Variants in ADAM18 observed in about 807,000 individuals in gnomAD.
The protein encoded by ADAM18 is disintegrin and metalloproteinase domain-containing protein 18.
ADAM18 carries 117 observed loss-of-function variants against 94.4 expected under a neutral mutation model. The ratio of observed to expected loss-of-function variants is 1.24; its 90% CI spans 1.07 to 1.45. The LOEUF (loss-of-function observed/expected upper bound fraction) is 1.45. Among genes scored for constraint, ADAM18 ranks in the 40% most tolerant of loss-of-function variants. ADAM18 has a pLI of 0.00. For synonymous variants in ADAM18, 327 were observed against 291.6 expected, an observed-to-expected ratio of 1.12 and a Z score of -1.24; for missense variants, 936 against 880.0, an observed-to-expected ratio of 1.06 and a Z score of -0.81.
At chr8:39,606,275 T>C in intron 2 of ADAM18, 32 bp from the exon 3 acceptor site, 1 of 1,299,746 alleles carries the variant, frequency 7.7e-7, no homozygotes. Context: ...TCTGGTTTCC[T>C]TCACAATCTT....
intron 6 of ADAM18, among the ~76,000 whole-genome samples, chr8:39,622,096 GA>G (rs1819631897): frequency 6.6e-6 from 1 of 151,856 alleles, no homozygotes; most frequent in Non-Finnish European, 1.5e-5. Context: ...AAAAGTAGGA[GA>G]TTTTTAAAAA....
rs945613054 is a variant in ADAM18 at position 39,629,129 on chromosome 8, GT to G, written c.523-235del. ...GCATAAGGTGTATTTTTATGTTTAT[GT>G]TTTTTTTTTCTCATTCAGCATTAAC... On this transcript the variant is annotated intron_variant, in intron 6 of 19. Transcript: ENST00000265707. Among the ~76,000 whole-genome samples the G allele has an allele frequency of 1.3e-3, 186 of 148,718 alleles. 1 individual carries two copies. Among genetic ancestry groups the G allele is most frequent in the African/African-American group, 4.1e-3 (168 of 40,762 alleles).
intron 7 of ADAM18, among the ~76,000 whole-genome samples, chr8:39,634,622 C>T: frequency 6.6e-6 from 1 of 152,138 alleles, no homozygotes; most frequent in Non-Finnish European, 1.5e-5. Flanking sequence ...GGCTTGGGAC[C>T]TGCTATTCCC....
intron 2 of ADAM18, among the ~76,000 whole-genome samples, chr8:39,596,602 A>T (rs1279753541): frequency 6.6e-6 from 1 of 152,198 alleles, no homozygotes. Context: ...TGCTTCTAAG[A>T]TTTGGCAGCT....
At chr8:39,594,654 T>C (rs1818682708) in intron 2 of ADAM18, among the ~76,000 whole-genome samples, 2 of 151,960 alleles carry the variant, frequency 1.3e-5, no homozygotes, top group Admixed American at 6.6e-5. Flanking sequence ...CCTTTGATCT[T>C]CATGTCTTCT....
intron 14 of ADAM18, among the ~76,000 whole-genome samples, chr8:39,668,889 C>T (rs1421685125): frequency 6.6e-6 from 1 of 151,784 alleles, no homozygotes; most frequent in African/African-American, 2.4e-5. Flanking sequence ...ATAATTTGTA[C>T]CAAATTACAT....
intron 2 of ADAM18, among the ~76,000 whole-genome samples, chr8:39,599,577 A>G (rs974417534): frequency 2.6e-5 from 4 of 152,112 alleles, no homozygotes; most frequent in Admixed American, 6.5e-5. Flanking sequence ...ACACACACAC[A>G]TTTATTTATG....
At chr8:39,604,144 C>G (rs1483207878) in intron 2 of ADAM18, among the ~76,000 whole-genome samples, 1 of 152,184 alleles carries the variant, frequency 6.6e-6, no homozygotes, top group Non-Finnish European at 1.5e-5. Context: ...CTGCCAGGCT[C>G]TTACACTCAT....
chr8:39,680,022 G>T lies in ADAM18; in HGVS notation c.1632-15G>T. 1 of 1,609,756 alleles carries T rather than the reference G, an allele frequency of 6.2e-7. No individual in the cohort carries two copies. Among genetic ancestry groups the T allele is most frequent in the Non-Finnish European group, 8.5e-7 (1 of 1,178,794 alleles). ...GAGATAAACTGATAAGGAACTTTTT[G>T]CTTTCCACTTCCAGGGATGTTCTCT... On this transcript the variant is annotated splice_polypyrimidine_tract_variant and intron_variant, in intron 15 of 19. Transcript: ENST00000265707.
At chr8:39,670,518 A>G (rs1821124837) in intron 14 of ADAM18, among the ~76,000 whole-genome samples, 2 of 152,186 alleles carry the variant, frequency 1.3e-5, no homozygotes, top group African/African-American at 4.8e-5. Flanking sequence ...GTAAATTTAA[A>G]CTTTTAAAGA....
At position 39,689,942 on chromosome 8, in the gene ADAM18, C is replaced by T. The variant is rs147673209; in HGVS notation, c.1822-2658C>T. 2.6e-5 allele frequency among the ~76,000 whole-genome samples: 4 copies of T among 152,134 alleles called. No individual in the cohort carries two copies. In the South Asian group the frequency reaches 8.3e-4, roughly 32 times the overall value. ...CTAGTTCGCTGTATTCCTAGGTATT[C>T]TGTGTGTGTGTGCGGCAGCTGTGAA... On this transcript the variant is annotated intron_variant, in intron 16 of 19. Coordinates refer to ENST00000265707, the MANE Select transcript of ADAM18 (RefSeq NM_014237.3).
At chr8:39,611,678 G>A in intron 6 of ADAM18, 1 of 815,660 alleles carries the variant, frequency 1.2e-6, no homozygotes. Flanking sequence ...TTATTTTTAT[G>A]GAATACATCA....
intron 6 of ADAM18, among the ~76,000 whole-genome samples, chr8:39,625,486 A>T (rs1256457911): frequency 6.6e-6 from 1 of 152,030 alleles, no homozygotes; most frequent in Non-Finnish European, 1.5e-5. Context: ...TGGTAGACAG[A>T]GTTAGCTTGA....
intron 2 of ADAM18, among the ~76,000 whole-genome samples, chr8:39,589,045 A>G (rs933326191): frequency 1.3e-5 from 2 of 152,156 alleles, no homozygotes; most frequent in African/African-American, 4.8e-5. Context: ...GGCATATTCA[A>G]TCTTTCTGTT....
chr8:39,693,529 C>T lies in ADAM18; in HGVS notation c.1902+849C>T, dbSNP rs148552743. On this transcript the variant is annotated intron_variant, in intron 17 of 19. Coordinates refer to ENST00000265707, the MANE Select transcript of ADAM18 (RefSeq NM_014237.3). ...TGCAATATCTCAACACAAAGTTATA[C>T]GTTTTTTGTATAACTTTATACATAT... Among the ~76,000 whole-genome samples the T allele has an allele frequency of 9.3e-4, 140 of 150,858 alleles. 3 individuals carry two copies. In the East Asian group the frequency reaches 0.025, roughly 27 times the overall value.
intron 19 of ADAM18, 188 bp downstream of exon 19, chr8:39,724,095 T>C: frequency 2.4e-6 from 1 of 416,406 alleles, no homozygotes. Flanking sequence ...AAATTCTCAA[T>C]GTTCTAGAAC....
In ADAM18 at chr8:39,723,908, G is replaced by C. The variant is rs201175126; in HGVS notation, c.2177+1G>C. 1.0e-4 allele frequency: 151 copies of C among 1,486,592 alleles called. No individual in the cohort carries two copies. The East Asian group carries it at 2.4e-3, about 24-fold the overall frequency. The allele number at this position is 1,486,592 out of a possible 1,614,324, so 92.1% of individuals were successfully genotyped here. On this transcript the variant is annotated splice_donor_variant, in intron 19 of 19. Coordinates refer to ENST00000265707, the MANE Select transcript of ADAM18 (RefSeq NM_014237.3). LOFTEE classifies it high-confidence loss of function. ...ACAGAGAGAATGCAGAGTATAATCGGTAAATATGATATAGAATCAATGTAT... is the reference window on the plus strand; with the variant it reads ...ACAGAGAGAATGCAGAGTATAATCGCTAAATATGATATAGAATCAATGTAT...
chr8:39,677,351 T>G, intron 14 of ADAM18, 80 bp from the exon 15 acceptor site: 1 of 1,159,170 alleles, frequency 8.6e-7, no homozygotes, highest in South Asian at 1.5e-5. Flanking sequence ...TTTTTGAAAT[T>G]AAATTTCCTT....
At chr8:39,657,393 C>T in intron 12 of ADAM18, among the ~76,000 whole-genome samples, 1 of 152,110 alleles carries the variant, frequency 6.6e-6, no homozygotes, top group East Asian at 1.9e-4. Flanking sequence ...CTCACTCTAA[C>T]CTCTGCCTCC....
Sources: allele counts gnomAD v4.1 joint callset (sites outside exome capture counted in the v4.1 genomes callset), GRCh38; gene constraint gnomAD v4.1.1; transcripts MANE v1.5; gene names NCBI Gene and HGNC (gene_info 2026-07-23, HGNC 2026-07-21).